MUCL1: variants seen among roughly 807,000 people sequenced by gnomAD.
The protein encoded by MUCL1 is mucin like 1.
In MUCL1, 11 loss-of-function variants were observed where a neutral mutation model predicts 9.2. That is an observed-to-expected ratio of 1.19 (90% CI 0.75 to 1.97). MUCL1 has a LOEUF of 1.97. MUCL1 is among the 30% of genes most tolerant of loss of function. The pLI, the probability that MUCL1 is intolerant of heterozygous loss-of-function variation, is 0.00. For missense variants in MUCL1, 144 were observed against 110.9 expected (o/e 1.30, Z -1.34); for synonymous variants, 48 against 40.5 (o/e 1.19, Z -0.71).
At chr12:54,837,550 G>T (rs1959195080), upstream of MUCL1, among the ~76,000 whole-genome samples, 1 of 152,120 alleles carries the variant, frequency 6.6e-6, no homozygotes, top group African/African-American at 2.4e-5. Flanking sequence ...CAGACCACAA[G>T]GTCAGGAGAT....
At chr12:54,842,653 T>G (rs560246196) in intron 1 of MUCL1, among the ~76,000 whole-genome samples, 1 of 152,330 alleles carries the variant, frequency 6.6e-6, no homozygotes, top group East Asian at 1.9e-4. Context: ...ACTTTGTATC[T>G]TTTGACCAAC....
At chr12:54,840,406 C>T (rs1164477532) in intron 1 of MUCL1, among the ~76,000 whole-genome samples, 1 of 152,186 alleles carries the variant, frequency 6.6e-6, no homozygotes, top group Non-Finnish European at 1.5e-5. Flanking sequence ...TTCCAGAATG[C>T]TGTATTATTC....
At chr12:54,857,202 CTTA>C (rs1320601972) in intron 3 of MUCL1, among the ~76,000 whole-genome samples, 1 of 146,162 alleles carries the variant, frequency 6.8e-6, no homozygotes, top group Non-Finnish European at 1.5e-5. Flanking sequence ...TAGGTAACTG[CTTA>C]TTATTATTAT....
Position 54,833,591 on chromosome 12 carries a change from T to C in MUCL1, n.357+2716T>C, listed in dbSNP as rs185411510. 5.0e-3 allele frequency among the ~76,000 whole-genome samples: 764 copies of C among 152,244 alleles called. 4 individuals carry two copies. The highest frequency in any genetic ancestry group is 0.017 in the African/African-American group (712 of 41,548). On this transcript the variant is annotated intron_variant and non_coding_transcript_variant, in intron 1 of 3. Coordinates refer to the MUCL1 transcript ENST00000547990. ...CAAAACTTTTCCCCAATGGTTATAT[T>C]GGATTATCTTTTTCTAAGGAATTTA...
At chr12:54,844,868 A>G (rs1325488327) in intron 1 of MUCL1, among the ~76,000 whole-genome samples, 3 of 152,166 alleles carry the variant, frequency 2.0e-5, no homozygotes, top group Non-Finnish European at 4.4e-5. Flanking sequence ...ATTTCTGCAG[A>G]AAAAAACCAC....
intron 1 of MUCL1, among the ~76,000 whole-genome samples, chr12:54,833,251 C>T (rs989998472): frequency 1.3e-5 from 2 of 152,178 alleles, no homozygotes; most frequent in South Asian, 4.1e-4. Flanking sequence ...TTGAGTTTTG[C>T]ATCGAATATA....
intron 1 of MUCL1, among the ~76,000 whole-genome samples, chr12:54,841,186 A>G (rs1275184914): frequency 6.6e-6 from 1 of 152,214 alleles, no homozygotes; most frequent in Non-Finnish European, 1.5e-5. Context: ...TTTAGCCTAA[A>G]TAATACATAC....
intron 1 of MUCL1, among the ~76,000 whole-genome samples, chr12:54,842,996 C>T (rs1959219966): frequency 6.6e-6 from 1 of 152,140 alleles, no homozygotes; most frequent in Admixed American, 6.5e-5. Flanking sequence ...CAATAACTTA[C>T]AGTATTCAGT....
At chr12:54,837,266 G>A (rs567847813), upstream of MUCL1, among the ~76,000 whole-genome samples, 7 of 152,178 alleles carry the variant, frequency 4.6e-5, no homozygotes, top group South Asian at 1.5e-3. Flanking sequence ...GAGCTCCAGA[G>A]TTAGGTGCAA....
chr12:54,855,147 G>A lies in MUCL1; in HGVS notation c.90G>A (p.Thr30=), dbSNP rs148497245. ...CGACAACAGCTGCTCCAGCTGACAC[G>A]TATCCAGCTAGTGAGTCTGCACTTG... ...QNPTTAAPAD[T]YPATGPADDE... Residue 30 remains threonine, a synonymous_variant, in exon 2 of 4, where the codon ACG becomes ACA. Transcript: ENST00000308796. 1.5e-3 allele frequency: 2,355 copies of A among 1,613,038 alleles called. 19 individuals carry two copies. In the African/African-American group the frequency reaches 0.021, roughly 14 times the overall value.
chr12:54,837,041 G>A (rs1015973091), upstream of MUCL1, among the ~76,000 whole-genome samples: 5 of 152,130 alleles, frequency 3.3e-5, no homozygotes, highest in African/African-American at 1.2e-4. Flanking sequence ...CTGAGGAGAA[G>A]AATGTATATT....
At chr12:54,857,560 C>A (rs1002741862) in intron 3 of MUCL1, among the ~76,000 whole-genome samples, 1 of 151,986 alleles carries the variant, frequency 6.6e-6, no homozygotes, top group Non-Finnish European at 1.5e-5. Flanking sequence ...ATAAAATTTA[C>A]ATATGTATTA....
At chr12:54,842,162 C>T (rs1260119064) in intron 1 of MUCL1, among the ~76,000 whole-genome samples, 2 of 151,990 alleles carry the variant, frequency 1.3e-5, no homozygotes, top group East Asian at 3.8e-4. Context: ...TGTATTTTAT[C>T]CCTCCATTTA....
chr12:54,832,654 T>G (rs1480751963), intron 1 of MUCL1, among the ~76,000 whole-genome samples: 1 of 152,098 alleles, frequency 6.6e-6, no homozygotes, highest in Non-Finnish European at 1.5e-5. Context: ...CTTTATGAGG[T>G]CTTTTTGACC....
At chr12:54,839,344 T>C, upstream of MUCL1, 1 of 700,594 alleles carries the variant, frequency 1.4e-6, no homozygotes, top group Non-Finnish European at 2.6e-6. Flanking sequence ...CTTATTTATT[T>C]ATTAATTTTC....
chr12:54,842,986 C>T (rs538601509), intron 1 of MUCL1, among the ~76,000 whole-genome samples: 1 of 152,256 alleles, frequency 6.6e-6, no homozygotes, highest in South Asian at 2.1e-4. Flanking sequence ...CGCTGTGTTA[C>T]AATAACTTAC....
intron 2 of MUCL1, 45 bp from the exon 3 acceptor site, chr12:54,856,725 C>T: frequency 6.4e-7 from 1 of 1,563,130 alleles, no homozygotes; most frequent in Non-Finnish European, 8.7e-7. Context: ...AAATTTTGTT[C>T]CAGAAGGAGT....
upstream of MUCL1, among the ~76,000 whole-genome samples, chr12:54,834,960 A>G (rs1959190471): frequency 6.6e-6 from 1 of 152,044 alleles, no homozygotes; most frequent in Admixed American, 6.6e-5. Context: ...CTTTGCATAC[A>G]GATAGTTTAG....
In MUCL1 at chr12:54,847,073, C is replaced by T. The variant is rs1462129946; in HGVS notation, c.43+7626C>T. Among the ~76,000 whole-genome samples the T allele has an allele frequency of 2.0e-5, 3 of 152,092 alleles. No homozygotes were observed. The East Asian group carries it at 5.8e-4, about 29-fold the overall frequency. Reference sequence around the variant, plus strand: ...TTTTCATAGACCTACGCTCCCTCCTCAATACTTTATGAAAAGCCATCCATT... The same window carrying T: ...TTTTCATAGACCTACGCTCCCTCCTTAATACTTTATGAAAAGCCATCCATT... On this transcript the variant is annotated intron_variant, in intron 1 of 3. Coordinates refer to the MUCL1 transcript ENST00000546809.
Sources: gnomAD v4.1 joint callset for allele counts (sites outside exome capture counted in the v4.1 genomes callset) on GRCh38, gnomAD v4.1.1 for gene constraint, MANE v1.5 for transcripts, NCBI Gene and HGNC (gene_info 2026-07-23, HGNC 2026-07-21) for gene names.